The following TTN variants were observed in gnomAD, a reference collection of about 807,000 sequenced individuals.
The protein encoded by TTN is titin.
Under a neutral mutation model 3,223.0 loss-of-function variants are expected in TTN, and 1,525 were observed. The ratio of observed to expected loss-of-function variants is 0.47; its 90% CI spans 0.45 to 0.49. The LOEUF (loss-of-function observed/expected upper bound fraction) is 0.49. Ranked by LOEUF, TTN falls within the 20% of genes least tolerant of loss-of-function variation. TTN has a pLI of 0.00. For synonymous variants in TTN, 14,094 were observed against 15,161.0 expected (o/e 0.93, Z 5.17); for missense variants, 40,786 against 43,424.0 (o/e 0.94, Z 5.40).
rs1477046487 is a variant in TTN at position 178,672,641 on chromosome 2, C to T, written c.34849G>A (p.Ala11617Thr). Residue 11617 changes from alanine (A) to threonine (T), a missense_variant, in exon 153 of 363, where the codon GCC becomes ACC. Ala to Thr is a moderately conservative substitution (Grantham distance 58). Transcript: ENST00000589042. ...TTTAAAAGAGAAGATGTACCTTTGG[C>T]TGGGGGTGCCTCTTTTTTCTGAACA... is the stretch of plus-strand genomic sequence containing the variant. ...VPVQKKEAPP[A>T]KVPEVPKKVP... The T allele has an allele frequency of 1.2e-6, 2 of 1,611,438 alleles. No individual in the cohort carries two copies. Among genetic ancestry groups the T allele is most frequent in the Non-Finnish European group, 1.7e-6 (2 of 1,178,386 alleles).
At chr2:178,540,899 T>G (rs1390959268) in intron 350 of TTN, among the ~76,000 whole-genome samples, 1 of 152,228 alleles carries the variant, frequency 6.6e-6, no homozygotes, top group Non-Finnish European at 1.5e-5. Context: ...TAAATGTGCT[T>G]CATTTGTAAT....
chr2:178,594,299 A>G, intron 296 of TTN, 45 bp downstream of exon 296: 1 of 1,592,606 alleles, frequency 6.3e-7, no homozygotes, highest in African/African-American at 1.4e-5. Flanking sequence ...TTACAAATCT[A>G]CAAATGTGCA....
At position 178,573,947 on chromosome 2, in the gene TTN, T is replaced by C. The variant is rs893332061; in HGVS notation, c.72185A>G (p.Glu24062Gly). 1.2e-6 allele frequency: 2 copies of C among 1,613,286 alleles called. No individual in the cohort carries two copies. Among genetic ancestry groups the C allele is most frequent in the Non-Finnish European group, 1.7e-6 (2 of 1,179,598 alleles). Residue 24062 changes from glutamate to glycine, a missense_variant, in exon 326 of 363, where the codon GAA (glutamate) becomes GGA (glycine). Transcript: ENST00000589042. ...CAGCTCTTTTCCATCTTTGCTCCAT[T>C]CCATTGTTGGAGGTGGGCGGCCTGA... Reference protein sequence around the residue: ...DVSGRPPPTMEWSKDGKELEG... With the variant: ...DVSGRPPPTMGWSKDGKELEG...
chr2:178,744,112 A>C (rs1480342411), intron 47 of TTN, among the ~76,000 whole-genome samples: 15 of 151,990 alleles, frequency 9.9e-5, no homozygotes, highest in Admixed American at 9.9e-4. Context: ...TTTGAAAATT[A>C]AATTTAAATT....
At position 178,766,558 on chromosome 2, in the gene TTN, C is replaced by A; in HGVS notation, c.9526G>T (p.Asp3176Tyr). Residue 3176 changes from aspartate (D) to tyrosine (Y), a missense_variant, in exon 41 of 363, where the codon GAT (aspartate) becomes TAT (tyrosine). Asp to Tyr is a radical substitution (Grantham distance 160). Transcript: ENST00000589042. Reference protein sequence around the residue: ...VEFEVNEDDVDAHWYKDGIEI... With the variant: ...VEFEVNEDDVYAHWYKDGIEI... ...ATGCCATCTTTATACCAGTGGGCAT[C>A]AACATCGTCTTCATTGACCTCAAAT... The A allele has an allele frequency of 6.2e-7, 1 of 1,614,066 alleles. No homozygotes were observed.
intron 47 of TTN, chr2:178,749,942 A>G (rs145923552): frequency 3.1e-6 from 5 of 1,613,098 alleles, no homozygotes; most frequent in Non-Finnish European, 2.5e-6. Flanking sequence ...TTCATTAGTA[A>G]TATCAGACAA....
At position 178,773,543 on chromosome 2, in the gene TTN, T is replaced by A; in HGVS notation, c.7513A>T (p.Asn2505Tyr). ...VKGTKQRLVI[N>Y]RTHASDEGPY... ...CCTTCGTCTGAAGCATGAGTTCGGT[T>A]AATGACTAGTCGCTGTTTAGTACCT... Residue 2505 changes from asparagine to tyrosine, a missense_variant, in exon 32 of 363, where the codon AAC becomes TAC. Asn to Tyr is a moderately radical substitution (Grantham distance 143). Transcript: ENST00000589042. The A allele has an allele frequency of 6.2e-7, 1 of 1,614,076 alleles. No individual in the cohort carries two copies. Among genetic ancestry groups the A allele is most frequent in the Non-Finnish European group, 8.5e-7 (1 of 1,179,970 alleles).
Position 178,599,390 on chromosome 2 carries a change from T to G in TTN, c.56403A>C (p.Gln18801His). The G allele has an allele frequency of 6.3e-7, 1 of 1,588,362 alleles. No homozygotes were observed. Among genetic ancestry groups the G allele is most frequent in the South Asian group, 1.2e-5 (1 of 85,074 alleles). The stretch of plus-strand genomic sequence containing the variant: ...TAGGTGGAAACCAAGATAGTGTCAT[T>G]TGATCTGCTGAAACAGATTCAAATT... ...PIKFESVSAD[Q>H]MTLSWFPPKD... Residue 18801 changes from glutamine (Q) to histidine (H), a missense_variant, in exon 290 of 363, where the codon CAA becomes CAC. By Grantham distance (24) the Gln-to-His change is conservative. Coordinates refer to ENST00000589042, the MANE Select transcript of TTN (RefSeq NM_001267550.2).
In TTN at chr2:178,678,154, G is replaced by C. The variant is rs539800132; in HGVS notation, c.33965C>G (p.Pro11322Arg). The C allele has an allele frequency of 1.2e-6, 2 of 1,610,748 alleles. No individual in the cohort carries two copies. The highest frequency in any genetic ancestry group is 2.7e-5 in the African/African-American group (2 of 74,516). The change falls in exon 145 of 363, where the codon CCG becomes CGG. Residue 11322 changes from proline (P) to arginine (R), a missense_variant. Pro to Arg is a moderately radical substitution (Grantham distance 103, BLOSUM62 -2). Transcript: ENST00000589042. ...IPEEKKPTPV[P>R]KKVEAPPPKV... ...GGGTGGTGGTGCTTCCACTTTTTTC[G>C]GAACAGGTGTTGGTTTCTTTTCTTC... is the stretch of plus-strand genomic sequence containing the variant.
At chr2:178,698,634 G>A (rs939390907) in intron 112 of TTN, among the ~76,000 whole-genome samples, 1 of 152,006 alleles carries the variant, frequency 6.6e-6, no homozygotes, top group African/African-American at 2.4e-5. Context: ...TGGTTCCCAG[G>A]GGCTCAGGAG....
At position 178,746,311 on chromosome 2, in the gene TTN, C is replaced by G. The variant is rs761938553; in HGVS notation, c.11312-4390G>C. ...CAATTTTTAGTTCTTTGTCTTCTCC[C>G]TCCCTTGAATCCATATTTGGATCTA... is the stretch of plus-strand genomic sequence containing the variant. On this transcript the variant is annotated intron_variant, in intron 47 of 362. Coordinates refer to ENST00000589042, the MANE Select transcript of TTN (RefSeq NM_001267550.2). 11 of 1,612,420 alleles carry G rather than the reference C, an allele frequency of 6.8e-6. No individual in the cohort carries two copies. In the South Asian group the frequency reaches 1.2e-4, roughly 18 times the overall value.
At position 178,547,596 on chromosome 2, in the gene TTN, A is replaced by T. The variant is rs1697758190; in HGVS notation, c.94030T>A (p.Tyr31344Asn). ...KDGGGTEITN[Y>N]IVEKRESGTT... ...CCCGATTCACGCTTTTCAACTATGTAATTAGTAATTTCAGTGCCTCCTCCA... is the reference window on the plus strand; with the variant it reads ...CCCGATTCACGCTTTTCAACTATGTTATTAGTAATTTCAGTGCCTCCTCCA... The change falls in exon 339 of 363, where the codon TAC (tyrosine) becomes AAC (asparagine). Residue 31344 changes from tyrosine (Y) to asparagine (N), a missense_variant. Tyr to Asn is a moderately radical substitution (Grantham distance 143). Coordinates refer to ENST00000589042, the MANE Select transcript of TTN (RefSeq NM_001267550.2). 6.2e-7 allele frequency: 1 copy of T among 1,613,876 alleles called. No homozygotes were observed. The highest frequency in any genetic ancestry group is 2.2e-5 in the East Asian group (1 of 44,864).
rs148147002 is a variant in TTN, at chr2:178,746,006, C to T, written c.11312-4085G>A. Reference sequence around the variant, plus strand: ...AGAATCTCCCATGGTGAGGAATCCCCGACAGATAGCCTCTCCTACACAATT... The same window carrying T: ...AGAATCTCCCATGGTGAGGAATCCCTGACAGATAGCCTCTCCTACACAATT... On this transcript the variant is annotated intron_variant, in intron 47 of 362. Coordinates refer to ENST00000589042, the MANE Select transcript of TTN (RefSeq NM_001267550.2). 6.1e-5 allele frequency: 99 copies of T among 1,613,158 alleles called. No individual in the cohort carries two copies. Among genetic ancestry groups the T allele is most frequent in the African/African-American group, 2.0e-4 (15 of 74,926 alleles).
rs144690298 is a variant in TTN, at chr2:178,750,174, C to T, written c.11311+2950G>A. ...AACAAATGAAGATTTGTTTGGCCCT[C>T]TTGACTCATAGATGGATGGGCGCCT... On this transcript the variant is annotated intron_variant, in intron 47 of 362. Coordinates refer to ENST00000589042, the MANE Select transcript of TTN (RefSeq NM_001267550.2). 8.8e-4 allele frequency: 1,414 copies of T among 1,613,198 alleles called. 22 individuals are homozygous for T. In the South Asian group the frequency reaches 0.014, roughly 16 times the overall value.
intron 221 of TTN, 122 bp downstream of exon 221, chr2:178,640,419 T>G (rs1576798830): frequency 3.3e-6 from 3 of 902,232 alleles, no homozygotes; most frequent in East Asian, 2.6e-5. Context: ...TAAAGAAAAT[T>G]AAGCCATATG....
At chr2:178,691,778 G>A (rs2072512268) in intron 121 of TTN, among the ~76,000 whole-genome samples, 1 of 152,192 alleles carries the variant, frequency 6.6e-6, no homozygotes, top group African/African-American at 2.4e-5. Context: ...AAAAATGTAA[G>A]ATAGCAGTTT....
Position 178,575,327 on chromosome 2 carries a change from G to C in TTN, c.70805C>G (p.Thr23602Ser). 1 of 1,613,476 alleles carries C rather than the reference G, an allele frequency of 6.2e-7. No homozygotes were observed. The highest frequency in any genetic ancestry group is 1.7e-4 in the Middle Eastern group (1 of 6,054). ...GCTGTTCACTGCCATCACTTGGAAG[G>C]TATATTCCTCTCCTTCAGTTAGATT... ...VRNLTEGEEY[T>S]FQVMAVNSAG... The change falls in exon 326 of 363, where the codon ACC (threonine) becomes AGC (serine). Residue 23602 changes from threonine (T) to serine (S), a missense_variant. Thr to Ser is a moderately conservative substitution (Grantham distance 58). Coordinates refer to ENST00000589042, the MANE Select transcript of TTN (RefSeq NM_001267550.2). The surrounding 1 kb of genome is among the most constrained non-coding windows in gnomAD (Gnocchi z 4.0).
chr2:178,674,648 G>A (rs2067659073), intron 150 of TTN, among the ~76,000 whole-genome samples: 2 of 150,172 alleles, frequency 1.3e-5, no homozygotes, highest in Non-Finnish European at 3.0e-5. Flanking sequence ...TTTAATGAAA[G>A]ACTTGTTTGA....
intron 127 of TTN, among the ~76,000 whole-genome samples, chr2:178,686,287 AT>A: frequency 6.8e-6 from 1 of 147,478 alleles, no homozygotes; most frequent in Non-Finnish European, 1.5e-5. Context: ...CGCCCGGCTA[AT>A]TTTTTGTATT....
Sources: allele counts gnomAD v4.1 joint callset (sites outside exome capture counted in the v4.1 genomes callset), GRCh38; gene constraint gnomAD v4.1.1; non-coding constraint Gnocchi (gnomAD v3.1); transcripts MANE v1.5; gene names NCBI Gene and HGNC (gene_info 2026-07-23, HGNC 2026-07-21).